The following TENM4 variants were observed in gnomAD, a reference collection of about 807,000 sequenced individuals.
The protein encoded by TENM4 is teneurin transmembrane protein 4.
Under a neutral mutation model 243.3 loss-of-function variants are expected in TENM4, and 82 were observed. That is an observed-to-expected ratio of 0.34 (90% CI 0.28 to 0.40). TENM4 has a LOEUF of 0.40. Ranked by LOEUF, TENM4 falls within the 10% of genes least tolerant of loss-of-function variation. TENM4 has a pLI of 1.00. For synonymous variants in TENM4, 1,412 were observed against 1,456.3 expected, an observed-to-expected ratio of 0.97 and a Z score of 0.69; for missense variants, 3,138 against 3,673.3, an observed-to-expected ratio of 0.85 and a Z score of 3.77.
rs1449113673 is a variant in TENM4, at chr11:78,712,743, G to A, written c.3822-29C>T. ...GAAAACAAAGACATGGCCAACTGGT[G>A]AGCATTTTCTTCTTCCTATGAGTAG... On this transcript the variant is annotated intron_variant, in intron 25 of 33. Coordinates refer to ENST00000278550, the MANE Select transcript of TENM4 (RefSeq NM_001098816.3). 4 of 1,600,742 alleles carry A rather than the reference G, an allele frequency of 2.5e-6. No homozygotes were observed. The Admixed American group carries it at 6.7e-5, about 27-fold the overall frequency.
intron 15 of TENM4, among the ~76,000 whole-genome samples, chr11:78,796,878 T>TA (rs1857171832): frequency 6.6e-6 from 1 of 152,234 alleles, no homozygotes; most frequent in African/African-American, 2.4e-5. Flanking sequence ...TATCACTACC[T>TA]ACTCATATCC....
intron 1 of TENM4, among the ~76,000 whole-genome samples, chr11:79,391,569 A>T (rs1858233375): frequency 6.6e-6 from 1 of 152,246 alleles, no homozygotes; most frequent in Non-Finnish European, 1.5e-5. Context: ...CCTGACACTC[A>T]AAAAATTCTA....
intron 2 of TENM4, among the ~76,000 whole-genome samples, chr11:79,217,609 A>C (rs920127736): frequency 2.0e-5 from 3 of 152,196 alleles, no homozygotes; most frequent in Non-Finnish European, 2.9e-5. Context: ...ATGGCAAATT[A>C]TTTTAAATAA....
At chr11:79,096,351 C>T (rs1032650746) in intron 4 of TENM4, 1 of 152,210 alleles carries the variant, frequency 6.6e-6, no homozygotes, top group African/African-American at 2.4e-5. Flanking sequence ...GGAGACTCTG[C>T]AAGGAGATAC....
At chr11:79,400,100 CA>C (rs1236206577) in intron 1 of TENM4, among the ~76,000 whole-genome samples, 2 of 758 alleles carry the variant, frequency 2.6e-3, no homozygotes, top group African/African-American at 0.018. Flanking sequence ...AAACACACAC[CA>C]CACACACACA....
At position 79,405,847 on chromosome 11, in the gene TENM4, CAA is replaced by C. The variant is rs763128589; in HGVS notation, c.-321+34660_-321+34661del. 9.1e-3 allele frequency among the ~76,000 whole-genome samples: 627 copies of C among 69,242 alleles called. 5 individuals carry two copies. The highest frequency in any genetic ancestry group is 0.041 in the South Asian group (67 of 1,646). 45.4% of individuals were successfully genotyped at this position (69,242 alleles called of 152,430 possible). A position where few individuals can be genotyped will look rare whatever the true frequency, so the allele number is the denominator to read the frequency against. Reference sequence around the variant, plus strand: ...AATTTCTCTGAATGCATTGTGATTTCAAAAAAAAAAAAAAAAAAAAAAAACAA... The same window carrying C: ...AATTTCTCTGAATGCATTGTGATTTCAAAAAAAAAAAAAAAAAAAAAACAA... On this transcript the variant is annotated intron_variant, in intron 1 of 33. Coordinates refer to ENST00000278550, the MANE Select transcript of TENM4 (RefSeq NM_001098816.3).
At chr11:79,132,665 T>A (rs925689964) in intron 4 of TENM4, among the ~76,000 whole-genome samples, 16 of 152,036 alleles carry the variant, frequency 1.1e-4, no homozygotes, top group African/African-American at 3.9e-4. Flanking sequence ...TGCAGTGGAA[T>A]AAAATTGGAA....
At chr11:78,998,333 C>A (rs550448455) in intron 6 of TENM4, among the ~76,000 whole-genome samples, 1 of 152,278 alleles carries the variant, frequency 6.6e-6, no homozygotes, top group African/African-American at 2.4e-5. Context: ...ATGGCACTAA[C>A]AACATTGCTC....
chr11:79,420,123 C>G (rs954007270), intron 1 of TENM4, among the ~76,000 whole-genome samples: 9 of 152,214 alleles, frequency 5.9e-5, no homozygotes, highest in African/African-American at 2.2e-4. Context: ...TTAGCTCCTT[C>G]AAGGATGCAA....
At chr11:78,812,399 C>T (rs1857519440) in intron 13 of TENM4, 83 bp from the exon 14 acceptor site, 1 of 1,472,484 alleles carries the variant, frequency 6.8e-7, no homozygotes. Context: ...TCCTGGCCTG[C>T]CTGGCTTCAC....
intron 12 of TENM4, among the ~76,000 whole-genome samples, chr11:78,829,343 C>G (rs1049327493): frequency 1.3e-5 from 2 of 152,186 alleles, no homozygotes; most frequent in Non-Finnish European, 2.9e-5. Flanking sequence ...ATTTCCAGCT[C>G]TGACTCTCAC....
intron 9 of TENM4, among the ~76,000 whole-genome samples, chr11:78,867,200 T>C (rs1238123836): frequency 6.6e-6 from 1 of 152,140 alleles, no homozygotes; most frequent in Non-Finnish European, 1.5e-5. Flanking sequence ...CAGTTCTTTA[T>C]TTATTCTATT....
intron 6 of TENM4, among the ~76,000 whole-genome samples, chr11:79,057,015 AC>A (rs1380615374): frequency 6.6e-6 from 1 of 152,192 alleles, no homozygotes; most frequent in Non-Finnish European, 1.5e-5. Context: ...ATCCCCATCC[AC>A]AGGTACAGGT....
intron 15 of TENM4, among the ~76,000 whole-genome samples, chr11:78,803,690 A>T (rs1857329994): frequency 6.6e-6 from 1 of 152,236 alleles, no homozygotes; most frequent in African/African-American, 2.4e-5. Context: ...TAGTAATCTC[A>T]TCCAAAGTTA....
At chr11:79,287,327 A>T (rs1398546245) in intron 2 of TENM4, among the ~76,000 whole-genome samples, 1 of 152,158 alleles carries the variant, frequency 6.6e-6, no homozygotes, top group Non-Finnish European at 1.5e-5. Context: ...ATGAAGAGGA[A>T]TCTTCTCCAC....
At chr11:78,808,544 T>C (rs779044812) in intron 14 of TENM4, among the ~76,000 whole-genome samples, 1 of 152,254 alleles carries the variant, frequency 6.6e-6, no homozygotes, top group African/African-American at 2.4e-5. Context: ...CACAGTAGTA[T>C]GGCAAATGGA....
At chr11:78,957,527 A>T (rs766920694) in intron 6 of TENM4, among the ~76,000 whole-genome samples, 2 of 152,208 alleles carry the variant, frequency 1.3e-5, no homozygotes, top group Non-Finnish European at 2.9e-5. Flanking sequence ...TTTTAGAAGG[A>T]GCTTACAAAC....
chr11:78,796,020 G>C (rs1369777691), intron 15 of TENM4, among the ~76,000 whole-genome samples: 1 of 152,066 alleles, frequency 6.6e-6, no homozygotes, highest in Non-Finnish European at 1.5e-5. Context: ...GGATCGAGAT[G>C]GCGGAAAGTT....
intron 20 of TENM4, among the ~76,000 whole-genome samples, chr11:78,737,554 A>C (rs1185618931): frequency 6.6e-6 from 1 of 152,206 alleles, no homozygotes; most frequent in East Asian, 1.9e-4. Flanking sequence ...ACAGAGTGAA[A>C]ATCAACCTTA....
Sources: gnomAD v4.1 joint callset for allele counts (sites outside exome capture counted in the v4.1 genomes callset) on GRCh38, gnomAD v4.1.1 for gene constraint, MANE v1.5 for transcripts, NCBI Gene and HGNC (gene_info 2026-07-23, HGNC 2026-07-21) for gene names.